RIMS2: variants seen among roughly 807,000 people sequenced by gnomAD.
The protein encoded by RIMS2 is regulating synaptic membrane exocytosis 2.
A neutral mutation model predicts 174.4 loss-of-function variants in RIMS2; 59 were observed. The ratio of observed to expected loss-of-function variants is 0.34; its 90% CI spans 0.27 to 0.42. The LOEUF (loss-of-function observed/expected upper bound fraction) is 0.42. RIMS2 is among the 10% of genes least tolerant of loss of function. The pLI is 1.00. For missense variants in RIMS2, 1,620 were observed against 1,666.3 expected (o/e 0.97, Z 0.48); for synonymous variants, 606 against 572.5 (o/e 1.06, Z -0.84).
chr8:103,794,405 T>G (rs1330694687), intron 3 of RIMS2, among the ~76,000 whole-genome samples: 2 of 152,190 alleles, frequency 1.3e-5, no homozygotes, highest in Non-Finnish European at 2.9e-5. Flanking sequence ...ACTGGATCCC[T>G]TCCTTACAAC....
chr8:104,067,199 G>T (rs555910098), intron 19 of RIMS2, among the ~76,000 whole-genome samples: 25 of 152,186 alleles, frequency 1.6e-4, no homozygotes, highest in African/African-American at 5.3e-4. Flanking sequence ...ATGATCTTAA[G>T]CAAGGGGTAT....
intron 19 of RIMS2, among the ~76,000 whole-genome samples, chr8:104,083,807 C>T (rs2154563591): frequency 6.6e-6 from 1 of 152,214 alleles, no homozygotes; most frequent in East Asian, 1.9e-4. Flanking sequence ...CTTTGAAACA[C>T]TTCTTGACTG....
At chr8:103,953,929 C>CA (rs761846542) in intron 14 of RIMS2, among the ~76,000 whole-genome samples, 13 of 147,750 alleles carry the variant, frequency 8.8e-5, no homozygotes, top group Admixed American at 2.0e-4. Flanking sequence ...AGATGGAAAG[C>CA]AAAAAAAAAG....
chr8:103,635,886 A>G (rs2096063707), intron 1 of RIMS2, among the ~76,000 whole-genome samples: 1 of 151,534 alleles, frequency 6.6e-6, no homozygotes, highest in Admixed American at 6.6e-5. Flanking sequence ...GGGGGAATTT[A>G]GATCTCTTTT....
intron 19 of RIMS2, among the ~76,000 whole-genome samples, chr8:104,090,526 A>C (rs2097632401): frequency 6.6e-6 from 1 of 151,740 alleles, no homozygotes; most frequent in Admixed American, 6.6e-5. Flanking sequence ...CCAATCAGGA[A>C]AGCTGGGATA....
chr8:103,992,072 T>G lies in RIMS2; in HGVS notation c.3044+2651T>G, dbSNP rs186368170. On this transcript the variant is annotated intron_variant, in intron 17 of 23. Coordinates refer to ENST00000504942, the Ensembl canonical transcript of RIMS2. ...TTAGTAAACAAGAAAAAAAGAGAGA[T>G]AGAGAAATCAGCCAGTTCACTTAGT... Among the ~76,000 whole-genome samples, 404 of 152,098 alleles carry G rather than the reference T, an allele frequency of 2.7e-3. 2 individuals carry two copies. Among genetic ancestry groups the G allele is most frequent in the Non-Finnish European group, 4.3e-3 (292 of 67,978 alleles).
chr8:103,916,680 C>T, intron 8 of RIMS2, 143 bp downstream of exon 11: 1 of 590,836 alleles, frequency 1.7e-6, no homozygotes, highest in Non-Finnish European at 2.8e-6. Flanking sequence ...TTAACAAAAG[C>T]ACCACACCAA....
intron 2 of RIMS2, among the ~76,000 whole-genome samples, chr8:103,734,065 T>A (rs1305149270): frequency 7.2e-6 from 1 of 138,614 alleles, no homozygotes; most frequent in Non-Finnish European, 1.5e-5. Flanking sequence ...GCTGCTGGAG[T>A]GCAGTGGTGT....
rs188610720 is a variant in RIMS2, at chr8:103,764,070, C to T, written c.388-2157C>T. Among the ~76,000 whole-genome samples, 4 of 152,328 alleles carry T rather than the reference C, an allele frequency of 2.6e-5. No homozygotes were observed. In the East Asian group the frequency reaches 7.7e-4, roughly 29 times the overall value. On this transcript the variant is annotated intron_variant, in intron 2 of 23. Coordinates refer to ENST00000504942, the Ensembl canonical transcript of RIMS2. Reference sequence around the variant, plus strand: ...GTCTGGGGTGGGACCTGGGAATCGGCACTTCTGGTGATACTGATGCTATTC... The same window carrying T: ...GTCTGGGGTGGGACCTGGGAATCGGTACTTCTGGTGATACTGATGCTATTC...
At chr8:103,571,969 T>C (rs1191769127) in intron 1 of RIMS2, among the ~76,000 whole-genome samples, 11 of 152,182 alleles carry the variant, frequency 7.2e-5, no homozygotes, top group Admixed American at 6.5e-4. Flanking sequence ...ATAATAGTAA[T>C]AGTGTGTCCA....
At chr8:103,752,333 A>G (rs2097904125) in intron 2 of RIMS2, among the ~76,000 whole-genome samples, 1 of 152,296 alleles carries the variant, frequency 6.6e-6, no homozygotes. Flanking sequence ...TACCAGTACC[A>G]TGCTGTTTTG....
chr8:104,030,451 G>A (rs2154556180), intron 19 of RIMS2, among the ~76,000 whole-genome samples: 1 of 152,318 alleles, frequency 6.6e-6, no homozygotes, highest in South Asian at 2.1e-4. Context: ...ATGCTACTAT[G>A]AGAATAAGAT....
At chr8:104,196,871 A>T (rs1385498322) in intron 19 of RIMS2, among the ~76,000 whole-genome samples, 5 of 152,208 alleles carry the variant, frequency 3.3e-5, no homozygotes, top group African/African-American at 7.2e-5. Flanking sequence ...TACTTTAAAA[A>T]ACATAATTAT....
intron 3 of RIMS2, among the ~76,000 whole-genome samples, chr8:103,782,097 C>T (rs996323909): frequency 5.3e-5 from 8 of 150,082 alleles, no homozygotes; most frequent in South Asian, 2.1e-4. Flanking sequence ...TGCTCAATTT[C>T]GCTCAGTTTC....
chr8:103,907,832 G>T (rs1479458739), intron 4 of RIMS2, among the ~76,000 whole-genome samples: 1 of 150,772 alleles, frequency 6.6e-6, no homozygotes. Context: ...TGCAAGTTCC[G>T]CCTCCCGGGT....
chr8:104,234,427 A>T (rs2099248228), intron 19 of RIMS2, among the ~76,000 whole-genome samples: 1 of 152,120 alleles, frequency 6.6e-6, no homozygotes, highest in South Asian at 2.1e-4. Flanking sequence ...TTTAAAAAAA[A>T]AAAAGCCAAG....
chr8:103,760,534 A>C lies in RIMS2; in HGVS notation c.388-5693A>C, dbSNP rs372651140. On this transcript the variant is annotated intron_variant, in intron 2 of 23. Transcript: ENST00000504942. The stretch of plus-strand genomic sequence containing the variant: ...AGTTTAGTAGCGCAAGCTACCCTTG[A>C]ATTCTGCCTTTTTAGAGACACAGAC... Among the ~76,000 whole-genome samples, 13 of 152,264 alleles carry C rather than the reference A, an allele frequency of 8.5e-5. No homozygotes were observed. In the East Asian group the frequency reaches 2.5e-3, roughly 29 times the overall value.
At chr8:103,965,416 G>T (rs907690559) in intron 15 of RIMS2, among the ~76,000 whole-genome samples, 2 of 152,074 alleles carry the variant, frequency 1.3e-5, no homozygotes, top group Non-Finnish European at 2.9e-5. Flanking sequence ...AATGTAAATG[G>T]TGTTGCATTT....
At chr8:103,522,271 G>T (rs965583099) in intron 1 of RIMS2, among the ~76,000 whole-genome samples, 5 of 152,086 alleles carry the variant, frequency 3.3e-5, no homozygotes, top group Admixed American at 1.3e-4. Context: ...TAAGCGAAAG[G>T]TGAAGAGCCA....
Sources: gnomAD v4.1 joint callset for allele counts (sites outside exome capture counted in the v4.1 genomes callset) on GRCh38, gnomAD v4.1.1 for gene constraint, MANE v1.5 for transcripts, NCBI Gene and HGNC (gene_info 2026-07-23, HGNC 2026-07-21) for gene names.